Variants in NFIL3 observed in about 807,000 individuals in gnomAD.
The protein encoded by NFIL3 is nuclear factor, interleukin 3 regulated.
Under a neutral mutation model 10.0 loss-of-function variants are expected in NFIL3, and 5 were observed. That is an observed-to-expected ratio of 0.50 (90% CI 0.26 to 1.06). The LOEUF (loss-of-function observed/expected upper bound fraction) is 1.06, where lower values mean the gene tolerates loss of function less well. Ranked by LOEUF, NFIL3 falls within the 50% of genes least tolerant of loss-of-function variation. The probability of loss-of-function intolerance (pLI) is 0.13; values close to 1 mark genes in which losing one functional copy is unlikely to be tolerated. For synonymous variants in NFIL3, 202 were observed against 206.5 expected (o/e 0.98, Z 0.19); for missense variants, 436 against 547.6 (o/e 0.80, Z 2.03).
At chr9:91,463,093 C>T in the NFIL3 span, among the ~76,000 whole-genome samples, 1 of 151,650 alleles carries the variant, frequency 6.6e-6, no homozygotes, top group Admixed American at 6.6e-5. Flanking sequence ...CTTGGTTAAC[C>T]TGTGTAATGG....
At chr9:91,472,571 T>C in the NFIL3 span, among the ~76,000 whole-genome samples, 2 of 152,214 alleles carry the variant, frequency 1.3e-5, no homozygotes, top group Non-Finnish European at 2.9e-5. Flanking sequence ...ATTTAAGGTC[T>C]TCTCTATGCT....
chr9:91,419,090 G>A (rs1271431743), intron 1 of NFIL3, among the ~76,000 whole-genome samples: 1 of 152,044 alleles, frequency 6.6e-6, no homozygotes, highest in Admixed American at 6.5e-5. Flanking sequence ...GTGAAATACA[G>A]GCATACCTTA....
upstream of NFIL3, among the ~76,000 whole-genome samples, chr9:91,425,818 C>T (rs1833867053): frequency 6.6e-6 from 1 of 152,136 alleles, no homozygotes; most frequent in South Asian, 2.1e-4. Flanking sequence ...TTGCCCAAAC[C>T]TTACAATGCT....
the NFIL3 span, among the ~76,000 whole-genome samples, chr9:91,461,235 C>T: frequency 2.0e-5 from 3 of 152,172 alleles, no homozygotes; most frequent in African/African-American, 7.2e-5. Flanking sequence ...AATTTATACA[C>T]AGAAGAAAAT....
chr9:91,460,268 G>GTTTTTTTTTTTTTTTTTTTTTTTTTTTT, the NFIL3 span, among the ~76,000 whole-genome samples: 1 of 77,092 alleles, frequency 1.3e-5, no homozygotes, highest in Non-Finnish European at 2.2e-5. Context: ...GGAGGGCTTG[G>GTTTTTTTTTTTTTTTTTTTTTTTTTTTT]TTCTTTTTTT....
At chr9:91,447,413 T>C in the NFIL3 span, among the ~76,000 whole-genome samples, 2 of 152,294 alleles carry the variant, frequency 1.3e-5, no homozygotes, top group Non-Finnish European at 2.9e-5. Context: ...TGGCAAATTG[T>C]TTTTCACAGG....
the NFIL3 span, among the ~76,000 whole-genome samples, chr9:91,445,583 G>A: frequency 1.3e-5 from 2 of 152,254 alleles, no homozygotes; most frequent in East Asian, 3.9e-4. Flanking sequence ...CTCAGCTCCA[G>A]AGTATGGCTA....
rs1411865182 is a variant in NFIL3 at position 91,410,595 on chromosome 9, A to C, written c.140T>G (p.Leu47Arg). Reference protein sequence around the residue: ...EDSTTGEELLLSEGSVGKNKS... With the variant: ...EDSTTGEELLRSEGSVGKNKS... ...GTTCTTCCCCACACTTCCTTCACTGAGAAGCAGCTCCTCACCTGTTGTGGA... is the reference window on the plus strand; with the variant it reads ...GTTCTTCCCCACACTTCCTTCACTGCGAAGCAGCTCCTCACCTGTTGTGGA... Residue 47 changes from leucine (L) to arginine (R), a missense_variant, in exon 2 of 2, where the codon CTC (leucine) becomes CGC (arginine). By Grantham distance (102) the Leu-to-Arg change is moderately radical. Coordinates refer to ENST00000297689, the MANE Select transcript of NFIL3 (RefSeq NM_005384.3). The surrounding 1 kb of genome is among the most constrained non-coding windows in gnomAD (Gnocchi z 5.7). 6.2e-7 allele frequency: 1 copy of C among 1,614,118 alleles called. No homozygotes were observed. Among genetic ancestry groups the C allele is most frequent in the African/African-American group, 1.3e-5 (1 of 74,938 alleles).
the NFIL3 span, among the ~76,000 whole-genome samples, chr9:91,436,785 C>T: frequency 6.6e-6 from 1 of 152,178 alleles, no homozygotes; most frequent in Non-Finnish European, 1.5e-5. Flanking sequence ...GAAGAGGTTC[C>T]TCTGCCAAGT....
the NFIL3 span, among the ~76,000 whole-genome samples, chr9:91,479,369 G>A: frequency 6.6e-6 from 1 of 151,944 alleles, no homozygotes; most frequent in African/African-American, 2.4e-5. Flanking sequence ...TAGAGAGGCA[G>A]TCTTGCTACA....
Position 91,409,777 on chromosome 9 carries a change from A to C in NFIL3, c.958T>G (p.Ser320Ala), listed in dbSNP as rs935362729. ...ATVVKVPEVNSSALPHKLRIK... is the reference protein window; with the variant it reads ...ATVVKVPEVNASALPHKLRIK... ...CGGAGCTTGTGTGGCAAGGCAGAGGAATTCACTTCTGGAACTTTAACCACA... is the reference window on the plus strand; with the variant it reads ...CGGAGCTTGTGTGGCAAGGCAGAGGCATTCACTTCTGGAACTTTAACCACA... Residue 320 changes from serine (S) to alanine (A), a missense_variant, in exon 2 of 2, where the codon TCC (serine) becomes GCC (alanine). Physicochemically the swap from Ser to Ala is moderately conservative, Grantham distance 99 (BLOSUM62 1). Coordinates refer to ENST00000297689, the MANE Select transcript of NFIL3 (RefSeq NM_005384.3). The C allele has an allele frequency of 6.2e-7, 1 of 1,614,054 alleles. No homozygotes were observed.
chr9:91,445,577 G>C, the NFIL3 span, among the ~76,000 whole-genome samples: 1 of 152,108 alleles, frequency 6.6e-6, no homozygotes, highest in Admixed American at 6.5e-5. Context: ...CATCAGCTCA[G>C]CTCCAGAGTA....
At chr9:91,479,614 C>T in the NFIL3 span, among the ~76,000 whole-genome samples, 7 of 152,200 alleles carry the variant, frequency 4.6e-5, no homozygotes, top group Non-Finnish European at 1.0e-4. Flanking sequence ...AGCAAGACCC[C>T]TTGGCTCCCT....
chr9:91,424,612 G>A (rs528539948), upstream of NFIL3, among the ~76,000 whole-genome samples: 1 of 152,200 alleles, frequency 6.6e-6, no homozygotes, highest in Non-Finnish European at 1.5e-5. Context: ...CACAAACACC[G>A]CCCCCTGCAC....
At chr9:91,463,992 G>A in the NFIL3 span, among the ~76,000 whole-genome samples, 1 of 151,898 alleles carries the variant, frequency 6.6e-6, no homozygotes, top group Admixed American at 6.6e-5. Flanking sequence ...GTGTTAATAT[G>A]GTATATCATT....
At chr9:91,436,731 C>A in the NFIL3 span, among the ~76,000 whole-genome samples, 2 of 152,164 alleles carry the variant, frequency 1.3e-5, no homozygotes, top group African/African-American at 4.8e-5. Flanking sequence ...AATAGAAGAT[C>A]TTCAACTTCT....
At chr9:91,448,796 G>A in the NFIL3 span, among the ~76,000 whole-genome samples, 1 of 152,066 alleles carries the variant, frequency 6.6e-6, no homozygotes, top group Non-Finnish European at 1.5e-5. Context: ...ATCTTGATGG[G>A]GATTGCATTC....
chr9:91,463,425 ATATT>A, the NFIL3 span, among the ~76,000 whole-genome samples: 6 of 151,652 alleles, frequency 4.0e-5, no homozygotes, highest in South Asian at 4.1e-4. Flanking sequence ...ATTAAATAAG[ATATT>A]TATTTATTAA....
chr9:91,461,726 C>CTGT, the NFIL3 span, among the ~76,000 whole-genome samples: 1 of 152,182 alleles, frequency 6.6e-6, no homozygotes, highest in East Asian at 1.9e-4. Context: ...CTCTGCTTTT[C>CTGT]TGTTATTATT....
Sources: gnomAD v4.1 joint callset for allele counts (sites outside exome capture counted in the v4.1 genomes callset) on GRCh38, gnomAD v4.1.1 for gene constraint, Gnocchi (gnomAD v3.1) non-coding constraint, MANE v1.5 for transcripts, NCBI Gene and HGNC (gene_info 2026-07-23, HGNC 2026-07-21) for gene names.